Variants in FOXJ3 observed in about 807,000 individuals in gnomAD.
FOXJ3 encodes forkhead box J3.
In FOXJ3, 22 loss-of-function variants were observed where a neutral mutation model predicts 76.1. The observed-to-expected ratio is 0.29, with a 90% confidence interval of 0.21 to 0.41. The LOEUF is 0.41. FOXJ3 is among the 10% of genes least tolerant of loss of function. The pLI, the probability that FOXJ3 is intolerant of heterozygous loss-of-function variation, is 1.00. For synonymous variants in FOXJ3, 269 were observed against 261.2 expected, an observed-to-expected ratio of 1.03 and a Z score of -0.29; for missense variants, 613 against 762.1, an observed-to-expected ratio of 0.80 and a Z score of 2.30.
chr1:42,216,475 G>A (rs1035419519), intron 5 of FOXJ3, among the ~76,000 whole-genome samples: 8 of 150,512 alleles, frequency 5.3e-5, no homozygotes, highest in African/African-American at 9.8e-5. Context: ...CCGAGATCGC[G>A]CCACTGCACT....
intron 4 of FOXJ3, among the ~76,000 whole-genome samples, chr1:42,260,560 C>T (rs1650955472): frequency 1.3e-5 from 2 of 152,050 alleles, no homozygotes; most frequent in Admixed American, 1.3e-4. Flanking sequence ...AAAACTTAGC[C>T]AGGCATGGTG....
intron 1 of FOXJ3, among the ~76,000 whole-genome samples, chr1:42,316,332 C>CTGTTTTTTTTT (rs1557720386): frequency 3.6e-5 from 1 of 27,800 alleles, no homozygotes; most frequent in African/African-American, 1.0e-4. Flanking sequence ...CTGCATTGGG[C>CTGTTTTTTTTT]CTTTTTTTTT....
In FOXJ3 at chr1:42,237,734, TTCC is replaced by T. The variant is rs955501873; in HGVS notation, c.445-9771_445-9769del. Among the ~76,000 whole-genome samples, 15 of 152,032 alleles carry T rather than the reference TTCC, an allele frequency of 9.9e-5. 1 individual carries two copies. Among genetic ancestry groups the T allele is most frequent in the Admixed American group, 8.5e-4 (13 of 15,268 alleles). On this transcript the variant is annotated intron_variant, in intron 4 of 12. Coordinates refer to ENST00000361346, the MANE Select transcript of FOXJ3 (RefSeq NM_014947.5). ...AGCAAATATATTCTCCATTGTTTTC[TTCC>T]GGAAGTTTTATAGTCTTAACTTCCA... is the stretch of plus-strand genomic sequence containing the variant.
chr1:42,244,707 G>GT (rs1457451728), intron 4 of FOXJ3, among the ~76,000 whole-genome samples: 1 of 151,294 alleles, frequency 6.6e-6, no homozygotes, highest in African/African-American at 2.4e-5. Context: ...AAAAGAAGAT[G>GT]TAACAACTGA....
chr1:42,208,767 A>G (rs1646908827), intron 5 of FOXJ3, among the ~76,000 whole-genome samples: 1 of 152,218 alleles, frequency 6.6e-6, no homozygotes, highest in African/African-American at 2.4e-5. Context: ...CCCATCATAA[A>G]CTGAAACTAC....
intron 2 of FOXJ3, among the ~76,000 whole-genome samples, chr1:42,309,109 G>T (rs1570224148): frequency 1.3e-5 from 2 of 150,280 alleles, no homozygotes; most frequent in Admixed American, 6.7e-5. Context: ...TGTTCATTTT[G>T]TGTGTGTGTG....
At chr1:42,259,546 C>T (rs1278639859) in intron 4 of FOXJ3, among the ~76,000 whole-genome samples, 2 of 152,200 alleles carry the variant, frequency 1.3e-5, no homozygotes, top group African/African-American at 2.4e-5. Context: ...ACAGTATTAA[C>T]GTCAGGGCTC....
intron 4 of FOXJ3, among the ~76,000 whole-genome samples, chr1:42,239,257 C>T (rs1247534386): frequency 6.7e-6 from 1 of 150,242 alleles, no homozygotes; most frequent in African/African-American, 2.5e-5. Flanking sequence ...CTTTTTCTTG[C>T]CTTACTCCAT....
intron 5 of FOXJ3, among the ~76,000 whole-genome samples, chr1:42,220,920 ATCTT>A (rs1267691037): frequency 6.6e-6 from 1 of 152,158 alleles, no homozygotes; most frequent in Non-Finnish European, 1.5e-5. Context: ...TAGATACAAA[ATCTT>A]TCTTTAATGC....
chr1:42,198,869 G>A (rs752534905), intron 7 of FOXJ3, among the ~76,000 whole-genome samples: 3 of 152,142 alleles, frequency 2.0e-5, no homozygotes, highest in Non-Finnish European at 4.4e-5. Context: ...ACAGAATAAA[G>A]TAGACCAAAA....
chr1:42,335,468 G>T (rs905537041), upstream of FOXJ3: 1 of 152,394 alleles, frequency 6.6e-6, no homozygotes, highest in African/African-American at 2.4e-5. Flanking sequence ...CTTGTGCCTC[G>T]GAGTGGCGTC....
At chr1:42,289,838 TTGTTA>T (rs1388034455) in intron 2 of FOXJ3, among the ~76,000 whole-genome samples, 7 of 152,178 alleles carry the variant, frequency 4.6e-5, no homozygotes, top group African/African-American at 1.7e-4. Flanking sequence ...TTTAGATTTC[TTGTTA>T]TAATTTCAAG....
chr1:42,225,634 A>G (rs1647493785), intron 5 of FOXJ3, among the ~76,000 whole-genome samples: 1 of 152,220 alleles, frequency 6.6e-6, no homozygotes, highest in Non-Finnish European at 1.5e-5. Flanking sequence ...TTAGTAATCG[A>G]AAGGCCCTGG....
At chr1:42,232,401 T>C (rs1648223457) in intron 4 of FOXJ3, among the ~76,000 whole-genome samples, 1 of 149,576 alleles carries the variant, frequency 6.7e-6, no homozygotes, top group Non-Finnish European at 1.5e-5. Flanking sequence ...TGAACTAGTT[T>C]ACAGTCCCAC....
intron 1 of FOXJ3, among the ~76,000 whole-genome samples, chr1:42,320,448 C>CA (rs1655365204): frequency 1.3e-5 from 2 of 152,202 alleles, no homozygotes; most frequent in Admixed American, 1.3e-4. Context: ...TATTTGGTCC[C>CA]AAAATCGTAT....
intron 5 of FOXJ3, among the ~76,000 whole-genome samples, chr1:42,224,236 T>G (rs1647367014): frequency 6.6e-6 from 1 of 152,196 alleles, no homozygotes; most frequent in African/African-American, 2.4e-5. Flanking sequence ...GAAATTTTAT[T>G]CAATTTGTTT....
At chr1:42,262,656 T>C (rs1034974998) in intron 4 of FOXJ3, among the ~76,000 whole-genome samples, 2 of 152,000 alleles carry the variant, frequency 1.3e-5, no homozygotes, top group African/African-American at 4.8e-5. Context: ...TGACACCAGC[T>C]TGGCCAAGAT....
intron 4 of FOXJ3, among the ~76,000 whole-genome samples, chr1:42,236,215 G>A (rs549139962): frequency 6.6e-6 from 1 of 152,150 alleles, no homozygotes; most frequent in South Asian, 2.1e-4. Flanking sequence ...TTGAGGCAAG[G>A]TCTTGCTTTG....
intron 1 of FOXJ3, among the ~76,000 whole-genome samples, chr1:42,311,341 A>C (rs1259424441): frequency 1.3e-5 from 2 of 152,196 alleles, no homozygotes; most frequent in Non-Finnish European, 2.9e-5. Context: ...GCCTACAGAC[A>C]TATCAGGAAG....
Sources: allele counts gnomAD v4.1 joint callset (sites outside exome capture counted in the v4.1 genomes callset), GRCh38; gene constraint gnomAD v4.1.1; transcripts MANE v1.5; gene names NCBI Gene and HGNC (gene_info 2026-07-23, HGNC 2026-07-21).